IL13: variants seen among roughly 807,000 people sequenced by gnomAD.
IL13 encodes interleukin 13, also known as interleukin-13.
In IL13, 9 loss-of-function variants were observed where a neutral mutation model predicts 11.1. The ratio of observed to expected loss-of-function variants is 0.81; its 90% CI spans 0.49 to 1.42. The LOEUF (loss-of-function observed/expected upper bound fraction) is 1.42, where lower values mean the gene tolerates loss of function less well. Among genes scored for constraint, IL13 ranks in the 40% most tolerant of loss-of-function variants. The pLI, the probability that IL13 is intolerant of heterozygous loss-of-function variation, is 0.00. For missense variants in IL13, 181 were observed against 182.5 expected (o/e 0.99, Z 0.05); for synonymous variants, 75 against 76.9 (o/e 0.97, Z 0.13).
intron 3 of IL13, 128 bp from the exon 4 acceptor site, chr5:132,660,047 C>A: frequency 8.2e-7 from 1 of 1,215,604 alleles, no homozygotes; most frequent in Non-Finnish European, 1.1e-6. Context: ...AGTAGAGGTA[C>A]TAACAGTACC....
At chr5:132,657,177 A>G (rs1752052019), upstream of IL13, 1 of 154,068 alleles carries the variant, frequency 6.5e-6, no homozygotes, top group Non-Finnish European at 1.4e-5. Context: ...GCCGCCCTCC[A>G]CAGCACTCAT....
chr5:132,659,970 G>A lies in IL13; in HGVS notation c.333+142G>A, dbSNP rs111692618. 2.4e-3 allele frequency: 3,510 copies of A among 1,444,638 alleles called. 9 individuals carry two copies. Among genetic ancestry groups the A allele is most frequent in the Non-Finnish European group, 2.9e-3 (3,117 of 1,087,880 alleles). 89.5% of individuals were successfully genotyped at this position (1,444,638 alleles called of 1,614,324 possible). A position where few individuals can be genotyped will look rare whatever the true frequency, so the allele number is the denominator to read the frequency against. On this transcript the variant is annotated intron_variant, in intron 3 of 3. Transcript: ENST00000304506. The surrounding 1 kb of genome is among the most constrained non-coding windows in gnomAD (Gnocchi z 4.1). Reference sequence around the variant, plus strand: ...TTGTGGCAGCAGGGACGTGGCCTTCGGGATTTACAGGATCTGGGCTCAAGG... The same window carrying A: ...TTGTGGCAGCAGGGACGTGGCCTTCAGGATTTACAGGATCTGGGCTCAAGG...
Position 132,659,555 on chromosome 5 carries a change from G to C in IL13, c.228+84G>C. Reference sequence around the variant, plus strand: ...TCTCTGAGCCTCCCTTCCATGGCTGGGGTTCCAAGCAAGCTTCAAGTGCTC... The same window carrying C: ...TCTCTGAGCCTCCCTTCCATGGCTGCGGTTCCAAGCAAGCTTCAAGTGCTC... On this transcript the variant is annotated intron_variant, in intron 2 of 3. Transcript: ENST00000304506. This position sits in a 1 kb window ranked among gnomAD's most constrained non-coding sequence, Gnocchi z 4.1. 1 of 1,558,936 alleles carries C rather than the reference G, an allele frequency of 6.4e-7. No homozygotes were observed. Among genetic ancestry groups the C allele is most frequent in the Non-Finnish European group, 8.8e-7 (1 of 1,141,356 alleles).
rs1752125200 is a variant in IL13, at chr5:132,660,227, T to C, written c.386T>C (p.Val129Ala). Residue 129 changes from valine (V) to alanine (A), a missense_variant, in exon 4 of 4, where the codon GTA (valine) becomes GCA (alanine). Val to Ala is a moderately conservative substitution (Grantham distance 64). Coordinates refer to ENST00000304506, the MANE Select transcript of IL13 (RefSeq NM_002188.3). ...ACCAAAATCGAGGTGGCCCAGTTTGTAAAGGACCTGCTCTTACATTTAAAG... is the reference window on the plus strand; with the variant it reads ...ACCAAAATCGAGGTGGCCCAGTTTGCAAAGGACCTGCTCTTACATTTAAAG... ...RDTKIEVAQF[V>A]KDLLLHLKKL... 1.2e-6 allele frequency: 2 copies of C among 1,614,210 alleles called. No individual in the cohort carries two copies. Among genetic ancestry groups the C allele is most frequent in the Non-Finnish European group, 1.7e-6 (2 of 1,180,024 alleles).
chr5:132,659,701 C>A lies in IL13; in HGVS notation c.229-23C>A. ...GGCAGCTGCCCAAGCAGGGCCTGAC[C>A]CCTCGGTGTCCCCTCCCCACAGTAC... is the stretch of plus-strand genomic sequence containing the variant. On this transcript the variant is annotated intron_variant, in intron 2 of 3. Coordinates refer to ENST00000304506, the MANE Select transcript of IL13 (RefSeq NM_002188.3). The surrounding 1 kb of genome is among the most constrained non-coding windows in gnomAD (Gnocchi z 4.1). 6.2e-7 allele frequency: 1 copy of A among 1,611,756 alleles called. No individual in the cohort carries two copies. The highest frequency in any genetic ancestry group is 8.5e-7 in the Non-Finnish European group (1 of 1,178,510).
At position 132,659,507 on chromosome 5, in the gene IL13, G is replaced by C; in HGVS notation, c.228+36G>C. On this transcript the variant is annotated intron_variant, in intron 2 of 3. Transcript: ENST00000304506. This position sits in a 1 kb window ranked among gnomAD's most constrained non-coding sequence, Gnocchi z 4.1. ...TTGGGTGCAGGGAGGATGGGGCAGA[G>C]GCTCCAGGCCTTGGGCTTATCTTCT... 1.3e-6 allele frequency: 2 copies of C among 1,590,748 alleles called. No individual in the cohort carries two copies. Among genetic ancestry groups the C allele is most frequent in the South Asian group, 2.2e-5 (2 of 89,566 alleles).
chr5:132,659,263 A>G lies in IL13; in HGVS notation c.175-155A>G. 1.5e-6 allele frequency: 1 copy of G among 659,568 alleles called. No homozygotes were observed. Among genetic ancestry groups the G allele is most frequent in the South Asian group, 1.7e-5 (1 of 58,928 alleles). 40.9% of individuals were successfully genotyped at this position (659,568 alleles called of 1,614,324 possible). ...CTATGCCTGCTGTTCAAAGCAGAAA[A>G]CGAAGCTCAGGAATGCTGAGGGGCT... On this transcript the variant is annotated intron_variant, in intron 1 of 3. Coordinates refer to ENST00000304506, the MANE Select transcript of IL13 (RefSeq NM_002188.3). This position sits in a 1 kb window ranked among gnomAD's most constrained non-coding sequence, Gnocchi z 4.1.
chr5:132,659,698 G>A lies in IL13; in HGVS notation c.229-26G>A, dbSNP rs1377718361. The A allele has an allele frequency of 3.7e-6, 6 of 1,611,398 alleles. No individual in the cohort carries two copies. The highest frequency in any genetic ancestry group is 5.1e-6 in the Non-Finnish European group (6 of 1,178,420). On this transcript the variant is annotated intron_variant, in intron 2 of 3. Transcript: ENST00000304506. This position sits in a 1 kb window ranked among gnomAD's most constrained non-coding sequence, Gnocchi z 4.1. Reference sequence around the variant, plus strand: ...AAAGGCAGCTGCCCAAGCAGGGCCTGACCCCTCGGTGTCCCCTCCCCACAG... The same window carrying A: ...AAAGGCAGCTGCCCAAGCAGGGCCTAACCCCTCGGTGTCCCCTCCCCACAG...
At position 132,659,526 on chromosome 5, in the gene IL13, A is replaced by G; in HGVS notation, c.228+55A>G. ...GGCAGAGGCTCCAGGCCTTGGGCTTATCTTCTCTGAGCCTCCCTTCCATGG... is the reference window on the plus strand; with the variant it reads ...GGCAGAGGCTCCAGGCCTTGGGCTTGTCTTCTCTGAGCCTCCCTTCCATGG... On this transcript the variant is annotated intron_variant, in intron 2 of 3. Coordinates refer to ENST00000304506, the MANE Select transcript of IL13 (RefSeq NM_002188.3). The surrounding 1 kb of genome is among the most constrained non-coding windows in gnomAD (Gnocchi z 4.1). 6.4e-7 allele frequency: 1 copy of G among 1,569,024 alleles called. No homozygotes were observed. Among genetic ancestry groups the G allele is most frequent in the Non-Finnish European group, 8.7e-7 (1 of 1,144,540 alleles).
chr5:132,656,886 C>T (rs1302349729), upstream of IL13, among the ~76,000 whole-genome samples: 1 of 152,134 alleles, frequency 6.6e-6, no homozygotes, highest in Non-Finnish European at 1.5e-5. Context: ...GCCTGGGATG[C>T]CTCTGAGCGG....
rs1752099972 is a variant in IL13 at position 132,659,289 on chromosome 5, G to A, written c.175-129G>A. 4 of 708,584 alleles carry A rather than the reference G, an allele frequency of 5.6e-6. No homozygotes were observed. In the East Asian group the frequency reaches 1.1e-4, roughly 19 times the overall value. The allele number at this position is 708,584 out of a possible 1,614,324, so 43.9% of individuals were successfully genotyped here. ...CGAAGCTCAGGAATGCTGAGGGGCT[G>A]CCAGGCCTGCCTCTGTGCCACACCA... is the stretch of plus-strand genomic sequence containing the variant. On this transcript the variant is annotated intron_variant, in intron 1 of 3. Transcript: ENST00000304506. The surrounding 1 kb of genome is among the most constrained non-coding windows in gnomAD (Gnocchi z 4.1).
chr5:132,660,068 G>T, intron 3 of IL13, 107 bp from the exon 4 acceptor site: 1 of 1,283,812 alleles, frequency 7.8e-7, no homozygotes, highest in East Asian at 2.4e-5. Flanking sequence ...CACCTCATGG[G>T]GACTTCCGTG....
At position 132,659,377 on chromosome 5, in the gene IL13, C is replaced by A. The variant is rs769401124; in HGVS notation, c.175-41C>A. On this transcript the variant is annotated intron_variant, in intron 1 of 3. Transcript: ENST00000304506. The surrounding 1 kb of genome is among the most constrained non-coding windows in gnomAD (Gnocchi z 4.1). The stretch of plus-strand genomic sequence containing the variant: ...CTGGGCTGCCAGGGCAGGCCCACAA[C>A]CCCTGCCAGCACTCTGCTCACTGTC... The A allele has an allele frequency of 2.0e-6, 3 of 1,504,138 alleles. No individual in the cohort carries two copies. The Admixed American group carries it at 5.6e-5, about 28-fold the overall frequency. The allele number at this position is 1,504,138 out of a possible 1,614,324, so 93.2% of individuals were successfully genotyped here.
Position 132,659,546 on chromosome 5 carries a change from C to A in IL13, c.228+75C>A. ...GGCTTATCTTCTCTGAGCCTCCCTT[C>A]CATGGCTGGGGTTCCAAGCAAGCTT... On this transcript the variant is annotated intron_variant, in intron 2 of 3. Transcript: ENST00000304506. The surrounding 1 kb of genome is among the most constrained non-coding windows in gnomAD (Gnocchi z 4.1). 6.4e-7 allele frequency: 1 copy of A among 1,558,184 alleles called. No homozygotes were observed. The highest frequency in any genetic ancestry group is 8.8e-7 in the Non-Finnish European group (1 of 1,138,986).
chr5:132,657,689 C>G (rs1455990079), upstream of IL13, among the ~76,000 whole-genome samples: 1 of 152,080 alleles, frequency 6.6e-6, no homozygotes, highest in Non-Finnish European at 1.5e-5. Context: ...TGTATCCAAG[C>G]AAGTGTTACT....
At position 132,659,961 on chromosome 5, in the gene IL13, G is replaced by A. The variant is rs952481319; in HGVS notation, c.333+133G>A. ...GTGGGGCCATTGTGGCAGCAGGGAC[G>A]TGGCCTTCGGGATTTACAGGATCTG... On this transcript the variant is annotated intron_variant, in intron 3 of 3. Coordinates refer to ENST00000304506, the MANE Select transcript of IL13 (RefSeq NM_002188.3). This position sits in a 1 kb window ranked among gnomAD's most constrained non-coding sequence, Gnocchi z 4.1. The A allele has an allele frequency of 1.4e-5, 20 of 1,459,446 alleles. No individual in the cohort carries two copies. The highest frequency in any genetic ancestry group is 1.7e-5 in the Non-Finnish European group (19 of 1,099,374). 90.4% of individuals were successfully genotyped at this position (1,459,446 alleles called of 1,614,324 possible). A position where few individuals can be genotyped will look rare whatever the true frequency, so the allele number is the denominator to read the frequency against.
rs1581035758 is a variant in IL13, at chr5:132,659,959, A to G, written c.333+131A>G. On this transcript the variant is annotated intron_variant, in intron 3 of 3. Coordinates refer to ENST00000304506, the MANE Select transcript of IL13 (RefSeq NM_002188.3). The surrounding 1 kb of genome is among the most constrained non-coding windows in gnomAD (Gnocchi z 4.1). ...GGGTGGGGCCATTGTGGCAGCAGGG[A>G]CGTGGCCTTCGGGATTTACAGGATC... The G allele has an allele frequency of 1.4e-6, 2 of 1,465,528 alleles. No homozygotes were observed. Among genetic ancestry groups the G allele is most frequent in the Admixed American group, 2.3e-5 (1 of 42,640 alleles). The allele number at this position is 1,465,528 out of a possible 1,614,324, so 90.8% of individuals were successfully genotyped here.
rs183009956 is a variant in IL13 at position 132,658,681 on chromosome 5, C to A, written c.174+321C>A. The stretch of plus-strand genomic sequence containing the variant: ...GAGAAGGGCCAGCACCCTCCCAGAA[C>A]CATGTGGCATTTGCCAACTGGATTT... On this transcript the variant is annotated intron_variant, in intron 1 of 3. Coordinates refer to ENST00000304506, the MANE Select transcript of IL13 (RefSeq NM_002188.3). The A allele has an allele frequency of 8.6e-5, 25 of 289,336 alleles. No individual in the cohort carries two copies. In the East Asian group the frequency reaches 1.4e-3, roughly 16 times the overall value. The allele number at this position is 289,336 out of a possible 1,614,324, so 17.9% of individuals were successfully genotyped here.
At position 132,658,333 on chromosome 5, in the gene IL13, G is replaced by A; in HGVS notation, c.147G>A (p.Glu49=). Residue 49 remains glutamate, a synonymous_variant, in exon 1 of 4, where the codon GAG becomes GAA. Transcript: ENST00000304506. ...PSTALRELIE[E]LVNITQNQKA... The stretch of plus-strand genomic sequence containing the variant: ...CAGCCCTCAGGGAGCTCATTGAGGA[G>A]CTGGTCAACATCACCCAGAACCAGA... 1 of 1,611,594 alleles carries A rather than the reference G, an allele frequency of 6.2e-7. No homozygotes were observed. Among genetic ancestry groups the A allele is most frequent in the Non-Finnish European group, 8.5e-7 (1 of 1,178,034 alleles).
Sources: gnomAD v4.1 joint callset for allele counts (sites outside exome capture counted in the v4.1 genomes callset) on GRCh38, gnomAD v4.1.1 for gene constraint, Gnocchi (gnomAD v3.1) non-coding constraint, MANE v1.5 for transcripts, NCBI Gene and HGNC (gene_info 2026-07-23, HGNC 2026-07-21) for gene names.